Variants in DVL3 observed in about 807,000 individuals in gnomAD.
The protein encoded by DVL3 is dishevelled segment polarity protein 3, also known as segment polarity protein dishevelled homolog DVL-3.
In DVL3, 27 loss-of-function variants were observed where a neutral mutation model predicts 67.4. The ratio of observed to expected loss-of-function variants is 0.40; its 90% CI spans 0.30 to 0.55. The LOEUF is 0.55. Among genes scored for constraint, DVL3 ranks in the 20% least tolerant of loss-of-function variants. DVL3 has a pLI of 0.46. For synonymous variants in DVL3, 369 were observed against 396.8 expected (o/e 0.93, Z 0.83); for missense variants, 819 against 1,021.5 (o/e 0.80, Z 2.70).
rs1276072568 is a variant in DVL3 at position 184,165,019 on chromosome 3, T to G, written c.599+88T>G. 6.2e-7 allele frequency: 1 copy of G among 1,608,672 alleles called. No individual in the cohort carries two copies. The highest frequency in any genetic ancestry group is 1.3e-5 in the African/African-American group (1 of 74,694). ...GGATGCGGGGCCCCTGGGAGGCTTA[T>G]GGGCTTTGTGTTGGGGACCCAGGCC... On this transcript the variant is annotated intron_variant, in intron 5 of 14. Transcript: ENST00000313143. This position sits in a 1 kb window ranked among gnomAD's most constrained non-coding sequence, Gnocchi z 4.1.
Position 184,170,144 on chromosome 3 carries a change from C to A in DVL3, c.1637C>A (p.Pro546Gln). ...FPYQYPPPPH[P>Q]YNPHPGFPEL... Reference sequence around the variant, plus strand: ...TACCAGTACCCGCCACCCCCGCACCCATACAACCCGCACCCGGGCTTCCCG... The same window carrying A: ...TACCAGTACCCGCCACCCCCGCACCAATACAACCCGCACCCGGGCTTCCCG... The change falls in exon 14 of 15, where the codon CCA becomes CAA. Residue 546 changes from proline (P) to glutamine (Q), a missense_variant. Pro to Gln is a moderately conservative substitution (Grantham distance 76, BLOSUM62 -1). This residue lies in a region of DVL3 where 324 missense variants were observed against 331.3 expected (regional missense o/e 0.98). Transcript: ENST00000313143. The surrounding 1 kb of genome is among the most constrained non-coding windows in gnomAD (Gnocchi z 6.5). 1 of 1,611,804 alleles carries A rather than the reference C, an allele frequency of 6.2e-7. No homozygotes were observed. The highest frequency in any genetic ancestry group is 8.5e-7 in the Non-Finnish European group (1 of 1,179,962).
Position 184,167,514 on chromosome 3 carries a change from TG to T in DVL3, c.1199-65del, listed in dbSNP as rs1714639396. 4.0e-6 allele frequency: 6 copies of T among 1,497,466 alleles called. No individual in the cohort carries two copies. In the African/African-American group the frequency reaches 6.9e-5, roughly 17 times the overall value. The allele number at this position is 1,497,466 out of a possible 1,614,324, so 92.8% of individuals were successfully genotyped here. The stretch of plus-strand genomic sequence containing the variant: ...TAATTACTAGATGGTAGAGCTAGAA[TG>T]CAAACTCTTGTTTACCTAACTCCAA... On this transcript the variant is annotated intron_variant, in intron 11 of 14. Transcript: ENST00000313143. This position sits in a 1 kb window ranked among gnomAD's most constrained non-coding sequence, Gnocchi z 4.6.
rs1474543375 is a variant in DVL3, at chr3:184,167,104, A to C, written c.1198+129A>C. On this transcript the variant is annotated intron_variant, in intron 11 of 14. Transcript: ENST00000313143. The surrounding 1 kb of genome is among the most constrained non-coding windows in gnomAD (Gnocchi z 4.6). ...AGATGGGGCTCGGCTCATTCCAGCA[A>C]CCCCACACTGCAACTCCCCCACAGC... 1.7e-6 allele frequency: 2 copies of C among 1,191,560 alleles called. No homozygotes were observed. The highest frequency in any genetic ancestry group is 4.7e-5 in the East Asian group (2 of 42,490). The allele number at this position is 1,191,560 out of a possible 1,614,324, so 73.8% of individuals were successfully genotyped here. A position where few individuals can be genotyped will look rare whatever the true frequency, so the allele number is the denominator to read the frequency against.
In DVL3 at chr3:184,165,083, C is replaced by A; in HGVS notation, c.600-30C>A. ...CCTCATGGGGGCAGGGCTGGGCCAG[C>A]CTGGTGGGGAACGACTGTGGGCCCC... On this transcript the variant is annotated intron_variant, in intron 5 of 14. Coordinates refer to ENST00000313143, the MANE Select transcript of DVL3 (RefSeq NM_004423.4). This position sits in a 1 kb window ranked among gnomAD's most constrained non-coding sequence, Gnocchi z 4.1. 6.2e-7 allele frequency: 1 copy of A among 1,613,520 alleles called. No individual in the cohort carries two copies. The highest frequency in any genetic ancestry group is 1.1e-5 in the South Asian group (1 of 90,980).
Position 184,164,286 on chromosome 3 carries a change from C to T in DVL3, c.251C>T (p.Ser84Leu), listed in dbSNP as rs1473649419. 1.9e-6 allele frequency: 3 copies of T among 1,614,108 alleles called. No homozygotes were observed. Among genetic ancestry groups the T allele is most frequent in the South Asian group, 1.1e-5 (1 of 91,082 alleles). ...VVSWLVSAEG[S>L]HPDPAPFCAD... ...TTTCAGCTGGTGTCAGCTGAGGGCT[C>T]ACACCCAGACCCAGCCCCCTTCTGT... is the stretch of plus-strand genomic sequence containing the variant. Residue 84 changes from serine to leucine, a missense_variant, in exon 3 of 15, where the codon TCA (serine) becomes TTA (leucine). Around this residue, in one of 3 missense-constraint regions of DVL3, gnomAD observed 385 missense variants for 486.8 expected, o/e 0.79. Transcript: ENST00000313143. The surrounding 1 kb of genome is among the most constrained non-coding windows in gnomAD (Gnocchi z 5.3).
intron 13 of DVL3, among the ~76,000 whole-genome samples, chr3:184,169,415 C>T (rs1039610190): frequency 6.6e-6 from 1 of 152,196 alleles, no homozygotes; most frequent in African/African-American, 2.4e-5. Flanking sequence ...GTTTTGCAGG[C>T]CGGGCGCAGT....
Position 184,158,998 on chromosome 3 carries a change from A to G in DVL3, c.161+3202A>G. Among the ~76,000 whole-genome samples, 2 of 150,404 alleles carry G rather than the reference A, an allele frequency of 1.3e-5. 1 individual carries two copies. Among genetic ancestry groups the G allele is most frequent in the Non-Finnish European group, 3.0e-5 (2 of 67,606 alleles). ...ACCACGTTGGCCAGGCTGGTCTGGA[A>G]CTCCTGACCTCAAGCAATCCACCCA... is the stretch of plus-strand genomic sequence containing the variant. On this transcript the variant is annotated intron_variant, in intron 1 of 14. Coordinates refer to ENST00000313143, the MANE Select transcript of DVL3 (RefSeq NM_004423.4).
chr3:184,169,940 C>A, intron 13 of DVL3, 66 bp from the exon 14 acceptor site: 1 of 1,420,270 alleles, frequency 7.0e-7, no homozygotes, highest in Admixed American at 2.0e-5. Context: ...ATCCAGAGCC[C>A]ACCTGACCTA....
rs371684582 is a variant in DVL3 at position 184,163,685 on chromosome 3, A to G, written c.190A>G (p.Asn64Asp). 4.8e-5 allele frequency: 77 copies of G among 1,613,720 alleles called. No homozygotes were observed. Among genetic ancestry groups the G allele is most frequent in the Non-Finnish European group, 6.4e-5 (76 of 1,179,938 alleles). ...GGTGAAGGAGGAGATCTCGGATGAC[A>G]ATGCCAAGCTACCATGCTTCAATGG... ...GVVKEEISDDNAKLPCFNGRV... is the reference protein window; with the variant it reads ...GVVKEEISDDDAKLPCFNGRV... Residue 64 changes from asparagine to aspartate, a missense_variant, in exon 2 of 15, where the codon AAT (asparagine) becomes GAT (aspartate). Transcript: ENST00000313143. The surrounding 1 kb of genome is among the most constrained non-coding windows in gnomAD (Gnocchi z 4.5).
rs1714619743 is a variant in DVL3, at chr3:184,167,049, G to A, written c.1198+74G>A. ...GGGGACTGATGAGGGTCCATGTGGAGACTCTTGCTTGAGCATCAGAGAGGG... is the reference window on the plus strand; with the variant it reads ...GGGGACTGATGAGGGTCCATGTGGAAACTCTTGCTTGAGCATCAGAGAGGG... On this transcript the variant is annotated intron_variant, in intron 11 of 14. Transcript: ENST00000313143. This position sits in a 1 kb window ranked among gnomAD's most constrained non-coding sequence, Gnocchi z 4.6. 2 of 1,546,966 alleles carry A rather than the reference G, an allele frequency of 1.3e-6. No individual in the cohort carries two copies. Among genetic ancestry groups the A allele is most frequent in the African/African-American group, 1.4e-5 (1 of 73,490 alleles).
chr3:184,157,829 C>T (rs976909727), intron 1 of DVL3, among the ~76,000 whole-genome samples: 1 of 152,154 alleles, frequency 6.6e-6, no homozygotes, highest in Admixed American at 6.5e-5. Context: ...CTGTTTGTAT[C>T]CCCAGAAGGA....
chr3:184,155,872 C>A lies in DVL3; in HGVS notation c.161+76C>A. On this transcript the variant is annotated intron_variant, in intron 1 of 14. Transcript: ENST00000313143. The surrounding 1 kb of genome is among the most constrained non-coding windows in gnomAD (Gnocchi z 5.4). Reference sequence around the variant, plus strand: ...TAAGGGATGACGCGGTCCGTTTCGACTTGCCTCGCTACACCGGCTCCTAGC... The same window carrying A: ...TAAGGGATGACGCGGTCCGTTTCGAATTGCCTCGCTACACCGGCTCCTAGC... 6.7e-7 allele frequency: 1 copy of A among 1,499,844 alleles called. No homozygotes were observed. Among genetic ancestry groups the A allele is most frequent in the Non-Finnish European group, 9.0e-7 (1 of 1,114,916 alleles). The allele number at this position is 1,499,844 out of a possible 1,614,324, so 92.9% of individuals were successfully genotyped here.
rs1394039692 is a variant in DVL3 at position 184,170,550 on chromosome 3, C to A, written c.1946C>A (p.Thr649Lys). Residue 649 changes from threonine to lysine, a missense_variant, in exon 15 of 15, where the codon ACA becomes AAA. Coordinates refer to ENST00000313143, the MANE Select transcript of DVL3 (RefSeq NM_004423.4). This position sits in a 1 kb window ranked among gnomAD's most constrained non-coding sequence, Gnocchi z 6.5. ...SLASSLRSHH[T>K]HPSYGPPGVP... ...GCCAGCAGCCTTCGCAGCCACCACA[C>A]ACACCCGAGCTACGGTCCTCCCGGA... The A allele has an allele frequency of 1.2e-6, 2 of 1,612,506 alleles. No homozygotes were observed. The highest frequency in any genetic ancestry group is 3.3e-5 in the Admixed American group (2 of 59,898).
chr3:184,167,988 C>T lies in DVL3; in HGVS notation c.1421C>T (p.Ala474Val). 6.2e-7 allele frequency: 1 copy of T among 1,614,272 alleles called. No individual in the cohort carries two copies. Among genetic ancestry groups the T allele is most frequent in the Non-Finnish European group, 8.5e-7 (1 of 1,180,054 alleles). Residue 474 changes from alanine (A) to valine (V), a missense_variant, in exon 13 of 15, where the codon GCT (alanine) becomes GTT (valine). Physicochemically the swap from Ala to Val is moderately conservative, Grantham distance 64 (BLOSUM62 0). This residue lies in a region of DVL3 where 110 missense variants were observed against 203.4 expected (regional missense o/e 0.54). Coordinates refer to ENST00000313143, the MANE Select transcript of DVL3 (RefSeq NM_004423.4). The surrounding 1 kb of genome is among the most constrained non-coding windows in gnomAD (Gnocchi z 4.6). ...AAGTATGCCAGCAACCTGCTGAAAG[C>T]TGGCTTCATCCGCCATACCGTCAAC... is the stretch of plus-strand genomic sequence containing the variant. ...ARKYASNLLK[A>V]GFIRHTVNKI...
rs1490443640 is a variant in DVL3, at chr3:184,171,708, T to C, written c.*953T>C. On this transcript the variant is annotated 3_prime_UTR_variant, in exon 15 of 15. Transcript: ENST00000313143. ...CCCCCACACCCACACGTTAACATAA[T>C]GAGTCACTAGGCTTCTGGGGAGGGC... is the stretch of plus-strand genomic sequence containing the variant. 1.7e-6 allele frequency: 1 copy of C among 573,100 alleles called. No homozygotes were observed. Among genetic ancestry groups the C allele is most frequent in the Non-Finnish European group, 2.2e-6 (1 of 452,876 alleles). The allele number at this position is 573,100 out of a possible 1,614,324, so 35.5% of individuals were successfully genotyped here. A position where few individuals can be genotyped will look rare whatever the true frequency, so the allele number is the denominator to read the frequency against.
intron 1 of DVL3, among the ~76,000 whole-genome samples, chr3:184,160,535 A>AGTGTGT (rs34412853): frequency 2.7e-5 from 4 of 150,454 alleles, no homozygotes; most frequent in East Asian, 3.9e-4. Context: ...TTGGGGTATG[A>AGTGTGT]GTGTGTGTGT....
In DVL3 at chr3:184,155,550, C is replaced by T. The variant is rs983017906; in HGVS notation, c.-86C>T. On this transcript the variant is annotated 5_prime_UTR_variant, in exon 1 of 15. Transcript: ENST00000313143. This position sits in a 1 kb window ranked among gnomAD's most constrained non-coding sequence, Gnocchi z 5.4. ...GCCGAGCTGGGTTGAGCCGCTGGGC[C>T]GCGCCGCGCGCCGCCGCCGTCTGGG... The T allele has an allele frequency of 1.6e-5, 14 of 883,136 alleles. No homozygotes were observed. The Admixed American group carries it at 7.4e-4, about 47-fold the overall frequency. The allele number at this position is 883,136 out of a possible 1,614,324, so 54.7% of individuals were successfully genotyped here. A position where few individuals can be genotyped will look rare whatever the true frequency, so the allele number is the denominator to read the frequency against.
In DVL3 at chr3:184,166,962, C is replaced by G; in HGVS notation, c.1185C>G (p.Ile395Met). The G allele has an allele frequency of 6.2e-7, 1 of 1,614,082 alleles. No homozygotes were observed. The highest frequency in any genetic ancestry group is 8.5e-7 in the Non-Finnish European group (1 of 1,179,982). ...CCAGCTCCTCCATCACCAGTTCCAT[C>G]CCTGACACAGAGCGTGAGTGTCCCA... Reference protein sequence around the residue: ...TSTSSSITSSIPDTERLDDFH... With the variant: ...TSTSSSITSSMPDTERLDDFH... Residue 395 changes from isoleucine (I) to methionine (M), a missense_variant, in exon 11 of 15, where the codon ATC (isoleucine) becomes ATG (methionine). Transcript: ENST00000313143. The surrounding 1 kb of genome is among the most constrained non-coding windows in gnomAD (Gnocchi z 6.7).
In DVL3 at chr3:184,164,368, C is replaced by T; in HGVS notation, c.333C>T (p.Asp111=). The T allele has an allele frequency of 6.2e-7, 1 of 1,613,898 alleles. No homozygotes were observed. The highest frequency in any genetic ancestry group is 2.2e-5 in the East Asian group (1 of 44,864). The change falls in exon 3 of 15, where the codon GAC becomes GAT. Residue 111 remains aspartate, a synonymous_variant. Transcript: ENST00000313143. The surrounding 1 kb of genome is among the most constrained non-coding windows in gnomAD (Gnocchi z 5.3). ...PPMERTGGIG[D]SRPPSFHPHA... ...TGGAGCGCACGGGAGGCATCGGGGA[C>T]TCCCGACCCCCATCCTTCCAGTGAG...
Sources: gnomAD v4.1 joint callset for allele counts (sites outside exome capture counted in the v4.1 genomes callset) on GRCh38, gnomAD v4.1.1 for gene constraint, gnomAD v4.1.1 regional missense constraint, Gnocchi (gnomAD v3.1) non-coding constraint, MANE v1.5 for transcripts, NCBI Gene and HGNC (gene_info 2026-07-23, HGNC 2026-07-21) for gene names.